Variants in ELMO1 observed in about 807,000 individuals in gnomAD.
ELMO1 encodes the protein engulfment and cell motility protein 1.
ELMO1 carries 26 observed loss-of-function variants against 98.9 expected under a neutral mutation model. That is an observed-to-expected ratio of 0.26 (90% CI 0.19 to 0.36). ELMO1 has a LOEUF of 0.36. Among genes scored for constraint, ELMO1 ranks in the 10% least tolerant of loss-of-function variants. ELMO1 has a pLI of 1.00. For synonymous variants in ELMO1, 346 were observed against 346.0 expected (o/e 1.00, Z 0.00); for missense variants, 627 against 935.2 (o/e 0.67, Z 4.30).
At chr7:37,315,092 C>T (rs1365561272) in intron 3 of ELMO1, among the ~76,000 whole-genome samples, 170 bp from the exon 4 acceptor site, 1 of 152,168 alleles carries the variant, frequency 6.6e-6, no homozygotes, top group African/African-American at 2.4e-5. Context: ...CCTTCCATTA[C>T]CCTGAGACCA....
intron 15 of ELMO1, among the ~76,000 whole-genome samples, chr7:37,076,758 A>C (rs1006336051): frequency 6.6e-6 from 1 of 152,182 alleles, no homozygotes; most frequent in Non-Finnish European, 1.5e-5. Context: ...TCCGACTGCC[A>C]GTGATGGTAT....
At chr7:37,251,716 G>A (rs1192683819) in intron 6 of ELMO1, among the ~76,000 whole-genome samples, 2 of 152,162 alleles carry the variant, frequency 1.3e-5, no homozygotes, top group African/African-American at 4.8e-5. Flanking sequence ...ACATAGTATT[G>A]GAAGTTCAGG....
At chr7:37,220,203 AT>A (rs1353721486) in intron 10 of ELMO1, among the ~76,000 whole-genome samples, 2 of 152,180 alleles carry the variant, frequency 1.3e-5, no homozygotes, top group Non-Finnish European at 2.9e-5. Context: ...ACTCACTGAA[AT>A]TTTTTTAAAT....
At chr7:36,936,827 T>C (rs966741505) in intron 16 of ELMO1, among the ~76,000 whole-genome samples, 1 of 152,246 alleles carries the variant, frequency 6.6e-6, no homozygotes, top group Non-Finnish European at 1.5e-5. Flanking sequence ...AAGCTAAAGA[T>C]ATCTGTTAGG....
At chr7:37,356,435 C>A (rs185494245) in intron 1 of ELMO1, among the ~76,000 whole-genome samples, 15 of 152,214 alleles carry the variant, frequency 9.9e-5, no homozygotes, top group Non-Finnish European at 1.8e-4. Flanking sequence ...TAAAAGCATT[C>A]CTATTTCTCC....
chr7:36,858,009 G>T (rs777563569), intron 21 of ELMO1, among the ~76,000 whole-genome samples: 2 of 152,120 alleles, frequency 1.3e-5, no homozygotes, highest in African/African-American at 2.4e-5. Flanking sequence ...AACTAATAAC[G>T]ACAGTAACTG....
intron 13 of ELMO1, among the ~76,000 whole-genome samples, chr7:37,136,701 C>T (rs964517069): frequency 1.3e-5 from 2 of 151,526 alleles, no homozygotes; most frequent in African/African-American, 4.9e-5. Flanking sequence ...ACCAAACCAG[C>T]ACTACAAGAA....
chr7:37,106,186 G>A (rs73335556), intron 14 of ELMO1, among the ~76,000 whole-genome samples: 18,316 of 152,174 alleles, frequency 0.12, 1,214 homozygotes, highest in Middle Eastern at 0.17. Flanking sequence ...AACAAGTTGC[G>A]TGCTGTTTAG....
intron 20 of ELMO1, among the ~76,000 whole-genome samples, chr7:36,867,292 G>A (rs1007142325): frequency 5.3e-5 from 8 of 152,050 alleles, no homozygotes; most frequent in African/African-American, 9.7e-5. Context: ...TCATTTACTC[G>A]GTTTTACTTT....
intron 13 of ELMO1, among the ~76,000 whole-genome samples, chr7:37,151,513 TA>T (rs1788357791): frequency 6.6e-6 from 1 of 152,124 alleles, no homozygotes; most frequent in Admixed American, 6.5e-5. Flanking sequence ...ATATTCAGGG[TA>T]AACATATTGG....
At chr7:37,442,077 A>C (rs1805435263) in intron 1 of ELMO1, among the ~76,000 whole-genome samples, 1 of 152,210 alleles carries the variant, frequency 6.6e-6, no homozygotes, top group Admixed American at 6.5e-5. Context: ...ACAATCTGCA[A>C]TACCTGGAGA....
intron 15 of ELMO1, among the ~76,000 whole-genome samples, chr7:37,034,870 T>C (rs1185430916): frequency 1.3e-5 from 2 of 152,142 alleles, no homozygotes; most frequent in East Asian, 3.9e-4. Context: ...CCAGAAAAAG[T>C]GTTCTTTTTG....
chr7:37,168,524 G>A (rs572922996), intron 13 of ELMO1, among the ~76,000 whole-genome samples: 52 of 151,906 alleles, frequency 3.4e-4, no homozygotes, highest in Non-Finnish European at 6.9e-4. Context: ...TGGTGTGGAT[G>A]TCCTTTCTGT....
At chr7:36,982,913 C>T (rs1174695230) in intron 16 of ELMO1, among the ~76,000 whole-genome samples, 1 of 152,220 alleles carries the variant, frequency 6.6e-6, no homozygotes. Flanking sequence ...ATCAATCCTC[C>T]CTCAAACTCT....
At chr7:37,131,800 A>G (rs974001254) in intron 14 of ELMO1, among the ~76,000 whole-genome samples, 4 of 152,236 alleles carry the variant, frequency 2.6e-5, no homozygotes, top group East Asian at 3.8e-4. Flanking sequence ...AAAATTCTCT[A>G]TATATTCAGA....
intron 2 of ELMO1, among the ~76,000 whole-genome samples, chr7:37,326,748 T>A (rs1799840340): frequency 6.6e-6 from 1 of 152,150 alleles, no homozygotes; most frequent in African/African-American, 2.4e-5. Context: ...ACTATGAAGA[T>A]AAGCAAAGAT....
At chr7:36,883,859 C>T (rs1160417669) in intron 18 of ELMO1, among the ~76,000 whole-genome samples, 1 of 152,190 alleles carries the variant, frequency 6.6e-6, no homozygotes, top group Non-Finnish European at 1.5e-5. Context: ...GGGGTTTCAT[C>T]TGAAATCTCT....
chr7:36,889,909 C>T (rs1019866785), intron 17 of ELMO1, among the ~76,000 whole-genome samples: 6 of 152,160 alleles, frequency 3.9e-5, no homozygotes, highest in Non-Finnish European at 7.4e-5. Flanking sequence ...TTGCACTACC[C>T]GGCTCATGGC....
intron 4 of ELMO1, among the ~76,000 whole-genome samples, chr7:37,303,018 C>T (rs1057246904): frequency 1.4e-4 from 22 of 152,176 alleles, no homozygotes; most frequent in African/African-American, 5.3e-4. Context: ...TAACTTTCTA[C>T]CTTTCTTCTA....
Sources: gnomAD v4.1 joint callset for allele counts (sites outside exome capture counted in the v4.1 genomes callset) on GRCh38, gnomAD v4.1.1 for gene constraint, MANE v1.5 for transcripts, NCBI Gene and HGNC (gene_info 2026-07-23, HGNC 2026-07-21) for gene names.